The following RNF44 variants were observed in gnomAD, a reference collection of about 807,000 sequenced individuals.
RNF44 encodes the protein ring finger protein 44.
Under a neutral mutation model 53.6 loss-of-function variants are expected in RNF44, and 25 were observed. The observed-to-expected ratio is 0.47, with a 90% CI of 0.34 to 0.65. The LOEUF (loss-of-function observed/expected upper bound fraction) is 0.65, where lower values mean the gene tolerates loss of function less well. RNF44 is among the 30% of genes least tolerant of loss of function. The pLI is 0.01. For synonymous variants in RNF44, 282 were observed against 252.2 expected (o/e 1.12, Z -1.12); for missense variants, 581 against 595.5 (o/e 0.98, Z 0.25).
chr5:176,532,353 G>A lies in RNF44; in HGVS notation c.107+13C>T. On this transcript the variant is annotated intron_variant, in intron 2 of 10. Coordinates refer to ENST00000274811, the MANE Select transcript of RNF44 (RefSeq NM_014901.5). The stretch of plus-strand genomic sequence containing the variant: ...CCATGCCCCAGCACCAGGACTGGGA[G>A]GCTCCTTCCTACCTTCCCCAGAGCT... The A allele has an allele frequency of 1.2e-6, 2 of 1,601,766 alleles. No homozygotes were observed. Among genetic ancestry groups the A allele is most frequent in the Non-Finnish European group, 1.7e-6 (2 of 1,175,424 alleles).
rs138796785 is a variant in RNF44 at position 176,531,854 on chromosome 5, G to A, written c.297+150C>T. 107 of 950,188 alleles carry A rather than the reference G, an allele frequency of 1.1e-4. No homozygotes were observed. In the African/African-American group the frequency reaches 1.3e-3, roughly 12 times the overall value. The allele number at this position is 950,188 out of a possible 1,614,324, so 58.9% of individuals were successfully genotyped here. A position where few individuals can be genotyped will look rare whatever the true frequency, so the allele number is the denominator to read the frequency against. Reference sequence around the variant, plus strand: ...AGTCACCCAGTGTGGCCCTTTCCCCGGGCCTCAGTTTACCTACCTGTAAAG... The same window carrying A: ...AGTCACCCAGTGTGGCCCTTTCCCCAGGCCTCAGTTTACCTACCTGTAAAG... On this transcript the variant is annotated intron_variant, in intron 3 of 10. Coordinates refer to ENST00000274811, the MANE Select transcript of RNF44 (RefSeq NM_014901.5). The surrounding 1 kb of genome is among the most constrained non-coding windows in gnomAD (Gnocchi z 4.2).
At chr5:176,540,624 C>T (rs551032818), upstream of RNF44, among the ~76,000 whole-genome samples, 181 of 152,320 alleles carry the variant, frequency 1.2e-3, no homozygotes, top group Non-Finnish European at 1.6e-3. Flanking sequence ...CAGCAGGGCC[C>T]ACAACACCCA....
In RNF44 at chr5:176,531,653, G is replaced by C. The variant is rs754493735; in HGVS notation, c.298-23C>G. On this transcript the variant is annotated intron_variant, in intron 3 of 10. Coordinates refer to ENST00000274811, the MANE Select transcript of RNF44 (RefSeq NM_014901.5). The surrounding 1 kb of genome is among the most constrained non-coding windows in gnomAD (Gnocchi z 4.2). ...CACCTGTGGGTGGAGAGAACGCCGG[G>C]AAAGTATGAAAAGGAAGCTGACCGC... 10 of 1,588,842 alleles carry C rather than the reference G, an allele frequency of 6.3e-6. No homozygotes were observed. The highest frequency in any genetic ancestry group is 8.6e-6 in the Non-Finnish European group (10 of 1,165,110).
rs1186390806 is a variant in RNF44 at position 176,533,339 on chromosome 5, T to A, written c.-44-823A>T. 2.0e-5 allele frequency among the ~76,000 whole-genome samples: 3 copies of A among 152,228 alleles called. No homozygotes were observed. In the East Asian group the frequency reaches 5.8e-4, roughly 29 times the overall value. ...TTCCTTAACCTGCTCCCACTGTGCC[T>A]ATCCACGAGTGACTTCATCTACCTT... On this transcript the variant is annotated intron_variant, in intron 1 of 10. Coordinates refer to ENST00000274811, the MANE Select transcript of RNF44 (RefSeq NM_014901.5).
rs765414265 is a variant in RNF44 at position 176,529,021 on chromosome 5, C to T, written c.*7G>A. 2.7e-5 allele frequency: 43 copies of T among 1,610,558 alleles called. 1 individual carries two copies. Among genetic ancestry groups the T allele is most frequent in the South Asian group, 2.3e-4 (21 of 90,810 alleles). On this transcript the variant is annotated 3_prime_UTR_variant, in exon 11 of 11. Coordinates refer to ENST00000274811, the MANE Select transcript of RNF44 (RefSeq NM_014901.5). ...CAGGGTTCTCCCGGGCAGGCGGCTG[C>T]GTGGCCTCACTCAGCCTCCCTGGGC...
intron 7 of RNF44, 64 bp from the exon 8 acceptor site, chr5:176,529,882 T>C: frequency 6.9e-7 from 1 of 1,455,290 alleles, no homozygotes; most frequent in Non-Finnish European, 9.2e-7. Context: ...AGAGCCGCTC[T>C]CCTGACTCCC....
intron 1 of RNF44, 40 bp downstream of exon 1, chr5:176,536,900 G>A (rs536657002): frequency 6.6e-6 from 1 of 152,124 alleles, no homozygotes; most frequent in South Asian, 2.1e-4. Flanking sequence ...AGGTCCATGG[G>A]TGGGGGAATA....
rs148926190 is a variant in RNF44, at chr5:176,535,540, T to C, written c.-45+1400A>G. Among the ~76,000 whole-genome samples, 1,097 of 152,260 alleles carry C rather than the reference T, an allele frequency of 7.2e-3. 17 individuals are homozygous for C. The highest frequency in any genetic ancestry group is 0.025 in the African/African-American group (1,053 of 41,540). On this transcript the variant is annotated intron_variant, in intron 1 of 10. Transcript: ENST00000274811. The stretch of plus-strand genomic sequence containing the variant: ...TGGAGCCGAGAGAAAGGAAGTAAGT[T>C]ACTCTAGGCCACAAGACCAGAGAGA...
At position 176,529,752 on chromosome 5, in the gene RNF44, A is replaced by G; in HGVS notation, c.993T>C (p.Asp331=). 6.2e-7 allele frequency: 1 copy of G among 1,612,440 alleles called. No homozygotes were observed. The highest frequency in any genetic ancestry group is 8.5e-7 in the Non-Finnish European group (1 of 1,179,178). ...GGACCTCATAGTTCTCCATCTCCAC[A>G]TCATCCACGTCCAGGTCCAGGCTGA... ...PTISLDLDVD[D]VEMENYEALL... The change falls in exon 8 of 11, where the codon GAT becomes GAC. Residue 331 remains aspartate (D), a synonymous_variant. Coordinates refer to ENST00000274811, the MANE Select transcript of RNF44 (RefSeq NM_014901.5).
intron 1 of RNF44, among the ~76,000 whole-genome samples, chr5:176,535,376 GTGCCACTTCCGGGGCAGCAGGCAGATA>G (rs887875996): frequency 6.6e-6 from 1 of 152,190 alleles, no homozygotes; most frequent in East Asian, 1.9e-4. Flanking sequence ...AGCTTGAAGG[GTGCCACTTCCGGGGCAGCAGGCAGATA>G]TGCCACTCTA....
chr5:176,529,908 C>A, intron 7 of RNF44, 90 bp from the exon 8 acceptor site: 2 of 1,408,436 alleles, frequency 1.4e-6, no homozygotes, highest in Non-Finnish European at 1.9e-6. Flanking sequence ...GCAAACAGAG[C>A]CCAGAACGTT....
At position 176,532,493 on chromosome 5, in the gene RNF44, G is replaced by T; in HGVS notation, c.-21C>A. 6.5e-7 allele frequency: 1 copy of T among 1,549,222 alleles called. No homozygotes were observed. Among genetic ancestry groups the T allele is most frequent in the South Asian group, 1.2e-5 (1 of 85,412 alleles). On this transcript the variant is annotated 5_prime_UTR_variant, in exon 2 of 11. Transcript: ENST00000274811. ...CGCATCGGGGGGGCAGGGGGGTGGA[G>T]GGGCTGGGCCGGGACTCACAACCCT...
In RNF44 at chr5:176,526,731, T is replaced by C. The variant is rs1756060809; in HGVS notation, c.*2297A>G. The C allele has an allele frequency of 6.6e-6, 1 of 152,508 alleles. No individual in the cohort carries two copies. The highest frequency in any genetic ancestry group is 2.4e-5 in the African/African-American group (1 of 41,392). The allele number at this position is 152,508 out of a possible 1,614,324, so 9.4% of individuals were successfully genotyped here. On this transcript the variant is annotated 3_prime_UTR_variant, in exon 11 of 11. Transcript: ENST00000274811. Reference sequence around the variant, plus strand: ...CGGTCGTTGGTATACATCATACATTTATTAGTGAATATCCCTCTGAAATCA... The same window carrying C: ...CGGTCGTTGGTATACATCATACATTCATTAGTGAATATCCCTCTGAAATCA...
At position 176,529,539 on chromosome 5, in the gene RNF44, G is replaced by C. The variant is rs202187467; in HGVS notation, c.1120C>G (p.Gln374Glu). Residue 374 changes from glutamine (Q) to glutamate (E), a missense_variant, in exon 9 of 11, where the codon CAG (glutamine) becomes GAG (glutamate). Physicochemically the swap from Gln to Glu is conservative, Grantham distance 29. Coordinates refer to ENST00000274811, the MANE Select transcript of RNF44 (RefSeq NM_014901.5). ...GGTACTCACAGCGTCTGCTCCGACT[G>C]ATGGCTGTCCGGGTTAAAGCGGTAC... The part of the protein sequence containing the change: ...PSYRFNPDSH[Q>E]SEQTLCVVCF... 5.0e-6 allele frequency: 8 copies of C among 1,613,914 alleles called. No individual in the cohort carries two copies. The highest frequency in any genetic ancestry group is 1.7e-6 in the Non-Finnish European group (2 of 1,180,036).
upstream of RNF44, among the ~76,000 whole-genome samples, chr5:176,540,122 A>G (rs544272080): frequency 3.9e-5 from 6 of 152,278 alleles, no homozygotes; most frequent in South Asian, 1.2e-3. Flanking sequence ...ACCTCATGCC[A>G]TTTAATTTGC....
At position 176,532,414 on chromosome 5, in the gene RNF44, C is replaced by A; in HGVS notation, c.59G>T (p.Arg20Leu). ...GCTGCCAGGTCCCGCAGAGAATCGC[C>A]GCTGGCCCACGGGGGCGGAGGGTGG... The part of the protein sequence containing the change: ...RWPPSAPVGQ[R>L]RFSAGPGSTP... Residue 20 changes from arginine (R) to leucine (L), a missense_variant, in exon 2 of 11, where the codon CGG becomes CTG. This residue lies in a region of RNF44 where 387 missense variants were observed against 366.0 expected (regional missense o/e 1.06). Transcript: ENST00000274811. The A allele has an allele frequency of 6.2e-7, 1 of 1,607,224 alleles. No homozygotes were observed. The highest frequency in any genetic ancestry group is 8.5e-7 in the Non-Finnish European group (1 of 1,177,952).
chr5:176,528,149 C>CG lies in RNF44; in HGVS notation c.*878dup, dbSNP rs1756204665. 6.6e-6 allele frequency: 1 copy of CG among 152,380 alleles called. No individual in the cohort carries two copies. The highest frequency in any genetic ancestry group is 2.1e-4 in the South Asian group (1 of 4,816). The allele number at this position is 152,380 out of a possible 1,614,324, so 9.4% of individuals were successfully genotyped here. A position where few individuals can be genotyped will look rare whatever the true frequency, so the allele number is the denominator to read the frequency against. ...CTCGGTCCCAGTTGGTCCCTATACC[C>CG]GCCCCTATTAAACCAAAAGAAAAAA... On this transcript the variant is annotated 3_prime_UTR_variant, in exon 11 of 11. Coordinates refer to ENST00000274811, the MANE Select transcript of RNF44 (RefSeq NM_014901.5).
Position 176,530,921 on chromosome 5 carries a change from G to GGGGGGGGGGGGGC in RNF44, c.565_566insGCCCCCCCCCCCC (p.Ala189GlyfsTer147). On this transcript the variant is annotated frameshift_variant, in exon 5 of 11. Coordinates refer to ENST00000274811, the MANE Select transcript of RNF44 (RefSeq NM_014901.5). LOFTEE classifies it high-confidence loss of function. ...CATGTGGGTGGGCTGGGGGGGTGGGGCCGGTGGTGGGGGGTGCAGGATGTA... is the reference window on the plus strand; with the variant it reads ...CATGTGGGTGGGCTGGGGGGGTGGGGGGGGGGGGGGGGCCCGGTGGTGGGGGGTGCAGGATGTA... 1.8e-5 allele frequency: 14 copies of GGGGGGGGGGGGGC among 778,366 alleles called. No individual in the cohort carries two copies. The highest frequency in any genetic ancestry group is 3.0e-5 in the Admixed American group (1 of 32,852). The allele number at this position is 778,366 out of a possible 1,614,324, so 48.2% of individuals were successfully genotyped here.
chr5:176,543,136 C>T, the RNF44 span, among the ~76,000 whole-genome samples: 1 of 151,116 alleles, frequency 6.6e-6, no homozygotes, highest in Non-Finnish European at 1.5e-5. The surrounding 1 kb of genome is among the most constrained non-coding windows in gnomAD (Gnocchi z 4.0). Flanking sequence ...GTGCGGGCGC[C>T]GGCAGAGGCC....
Sources: gnomAD v4.1 joint callset for allele counts (sites outside exome capture counted in the v4.1 genomes callset) on GRCh38, gnomAD v4.1.1 for gene constraint, gnomAD v4.1.1 regional missense constraint, Gnocchi (gnomAD v3.1) non-coding constraint, MANE v1.5 for transcripts, NCBI Gene and HGNC (gene_info 2026-07-23, HGNC 2026-07-21) for gene names.